Variants in WDR3 observed in about 807,000 individuals in gnomAD.
WDR3 encodes the protein WD repeat domain 3.
A neutral mutation model predicts 123.7 loss-of-function variants in WDR3; 81 were observed. That is an observed-to-expected ratio of 0.65 (90% CI 0.55 to 0.79). WDR3 has a LOEUF of 0.79. Ranked by LOEUF, WDR3 falls within the 30% of genes least tolerant of loss-of-function variation. WDR3 has a pLI of 0.00. For missense variants in WDR3, 1,027 were observed against 1,123.2 expected (o/e 0.91, Z 1.22); for synonymous variants, 390 against 388.8 (o/e 1.00, Z -0.04).
intron 13 of WDR3, among the ~76,000 whole-genome samples, chr1:117,948,926 T>C (rs563490168): frequency 6.6e-6 from 1 of 152,302 alleles, no homozygotes; most frequent in East Asian, 1.9e-4. Flanking sequence ...TCAGAGCAGT[T>C]CCTGGCAAAA....
At chr1:117,957,429 C>T (rs952360063) in intron 25 of WDR3, among the ~76,000 whole-genome samples, 14 of 152,322 alleles carry the variant, frequency 9.2e-5, no homozygotes, top group African/African-American at 2.9e-4. Context: ...TGATGACCCA[C>T]CTCTTTAAGT....
intron 10 of WDR3, among the ~76,000 whole-genome samples, chr1:117,942,835 T>C (rs187652560): frequency 1.0e-4 from 15 of 148,728 alleles, no homozygotes; most frequent in Non-Finnish European, 1.9e-4. Flanking sequence ...AGGTCACTTA[T>C]AAAGAATACA....
At chr1:117,955,294 G>C in intron 23 of WDR3, 21 bp from the exon 24 acceptor site, 1 of 1,607,594 alleles carries the variant, frequency 6.2e-7, no homozygotes, top group Non-Finnish European at 8.5e-7. Flanking sequence ...ATCACTAATG[G>C]TATTAATCCT....
At chr1:117,950,242 T>C in intron 15 of WDR3, 112 bp downstream of exon 15, 1 of 1,258,302 alleles carries the variant, frequency 7.9e-7, no homozygotes, top group Non-Finnish European at 1.1e-6. Flanking sequence ...AGTACATTTC[T>C]AAAAATGTGT....
At chr1:117,931,123 T>G (rs1005942965) in intron 1 of WDR3, among the ~76,000 whole-genome samples, 1 of 152,126 alleles carries the variant, frequency 6.6e-6, no homozygotes, top group African/African-American at 2.4e-5. Context: ...TTTGTAGAGA[T>G]AGGTTCTTGC....
intron 4 of WDR3, 98 bp downstream of exon 4, chr1:117,936,985 A>G (rs1281291246): frequency 4.2e-6 from 4 of 955,162 alleles, no homozygotes; most frequent in Non-Finnish European, 6.4e-6. Context: ...GCTCATGCTT[A>G]TGCATTAGTT....
chr1:117,953,130 A>G (rs891019232), intron 20 of WDR3, 134 bp downstream of exon 20: 5 of 1,079,614 alleles, frequency 4.6e-6, no homozygotes, highest in Non-Finnish European at 6.6e-6. Context: ...CTGATAAAGA[A>G]TCTGTGTAAT....
chr1:117,957,008 T>C lies in WDR3; in HGVS notation c.2454-60T>C, dbSNP rs74114932. On this transcript the variant is annotated intron_variant, in intron 24 of 26. Coordinates refer to ENST00000349139, the MANE Select transcript of WDR3 (RefSeq NM_006784.3). ...AATAATAAAGGGAAGGATTTAAAAA[T>C]TGACCATGTTAACAACGTTAACAAA... 5.3e-3 allele frequency: 7,453 copies of C among 1,410,208 alleles called. 272 individuals are homozygous for C. The African/African-American group carries it at 0.088, about 17-fold the overall frequency. 87.4% of individuals were successfully genotyped at this position (1,410,208 alleles called of 1,614,324 possible).
chr1:117,943,660 A>G (rs781553807), intron 11 of WDR3, 34 bp downstream of exon 11: 16 of 1,590,970 alleles, frequency 1.0e-5, no homozygotes, highest in Non-Finnish European at 1.1e-5. Flanking sequence ...AGCTGTAGTT[A>G]GTAGTATTTC....
intron 12 of WDR3, 78 bp downstream of exon 12, chr1:117,946,257 T>G (rs1017249416): frequency 8.2e-5 from 96 of 1,176,818 alleles, no homozygotes; most frequent in Middle Eastern, 6.1e-4. Context: ...GGTTCTTCTT[T>G]TTAGCATATT....
intron 12 of WDR3, among the ~76,000 whole-genome samples, chr1:117,946,897 T>C (rs1421413254): frequency 9.9e-5 from 13 of 130,970 alleles, no homozygotes; most frequent in African/African-American, 3.9e-4. Context: ...GCCGAGATAG[T>C]ACCACTGCAC....
chr1:117,955,300 A>G lies in WDR3; in HGVS notation c.2410-15A>G. ...ACCAAGAGTATCACTAATGGTATTA[A>G]TCCTTCCTTTATAGCCTTCAGCTTA... On this transcript the variant is annotated splice_polypyrimidine_tract_variant and intron_variant, in intron 23 of 26. Transcript: ENST00000349139. The G allele has an allele frequency of 1.2e-6, 2 of 1,610,166 alleles. No individual in the cohort carries two copies. Among genetic ancestry groups the G allele is most frequent in the Non-Finnish European group, 1.7e-6 (2 of 1,177,652 alleles).
In WDR3 at chr1:117,938,529, T is replaced by A. The variant is rs777126562; in HGVS notation, c.550T>A (p.Phe184Ile). 2.5e-6 allele frequency: 4 copies of A among 1,613,430 alleles called. No homozygotes were observed. The highest frequency in any genetic ancestry group is 3.4e-6 in the Non-Finnish European group (4 of 1,179,442). Residue 184 changes from phenylalanine to isoleucine, a missense_variant, in exon 5 of 27, where the codon TTT becomes ATT. Phe to Ile is a conservative substitution (Grantham distance 21). Transcript: ENST00000349139. ...GTGGGACCTTGATACTCAGCACTGC[T>A]TTAAAACAATGGTTGGCCACCGGAC... Reference protein sequence around the residue: ...KWWDLDTQHCFKTMVGHRTEV... With the variant: ...KWWDLDTQHCIKTMVGHRTEV...
rs1214919826 is a variant in WDR3, at chr1:117,950,776, TAATA to T, written c.1747-54_1747-51del. 5 of 1,363,658 alleles carry T rather than the reference TAATA, an allele frequency of 3.7e-6. 1 individual carries two copies. The highest frequency in any genetic ancestry group is 2.4e-5 in the South Asian group (2 of 81,894). The allele number at this position is 1,363,658 out of a possible 1,614,324, so 84.5% of individuals were successfully genotyped here. A position where few individuals can be genotyped will look rare whatever the true frequency, so the allele number is the denominator to read the frequency against. The stretch of plus-strand genomic sequence containing the variant: ...TAAAGTTATATTTTAGACCTACATG[TAATA>T]AATTATACCCATATTTTATAGACAG... On this transcript the variant is annotated intron_variant, in intron 15 of 26. Transcript: ENST00000349139.
At chr1:117,940,729 G>GACAACA (rs529621497) in intron 6 of WDR3, 98 bp from the exon 7 acceptor site, 14 of 1,114,142 alleles carry the variant, frequency 1.3e-5, no homozygotes, top group East Asian at 4.8e-5. Context: ...CTCTGTCTCC[G>GACAACA]ACAACAACAA....
At chr1:117,942,196 G>C (rs959714696) in intron 9 of WDR3, among the ~76,000 whole-genome samples, 1 of 152,176 alleles carries the variant, frequency 6.6e-6, no homozygotes, top group African/African-American at 2.4e-5. Flanking sequence ...ATGGGCTATT[G>C]CATTCAGAAT....
rs773091445 is a variant in WDR3, at chr1:117,939,494, G to C, written c.597G>C (p.Leu199=). ...TTCTATAGGTATGGGGGTTGGTTCT[G>C]TTGTCAGAAGAAAAGCGACTCATCA... ...GHRTEVWGLV[L]LSEEKRLITG... is the part of the protein sequence containing the mutation. The change falls in exon 6 of 27, where the codon CTG becomes CTC. Residue 199 remains leucine (L), a synonymous_variant. Coordinates refer to ENST00000349139, the MANE Select transcript of WDR3 (RefSeq NM_006784.3). 9 of 1,608,998 alleles carry C rather than the reference G, an allele frequency of 5.6e-6. No individual in the cohort carries two copies. The highest frequency in any genetic ancestry group is 7.6e-6 in the Non-Finnish European group (9 of 1,177,118).
At chr1:117,938,628 C>A in intron 5 of WDR3, 70 bp downstream of exon 5, 3 of 1,368,948 alleles carry the variant, frequency 2.2e-6, no homozygotes, top group Non-Finnish European at 2.0e-6. Context: ...GTCTTCTCTT[C>A]CCCTTTCATG....
chr1:117,932,713 G>A (rs997757930), intron 1 of WDR3, among the ~76,000 whole-genome samples: 12 of 152,140 alleles, frequency 7.9e-5, no homozygotes, highest in African/African-American at 2.9e-4. Context: ...TAGCTGCATT[G>A]AGCCTATAAT....
Sources: allele counts gnomAD v4.1 joint callset (sites outside exome capture counted in the v4.1 genomes callset), GRCh38; gene constraint gnomAD v4.1.1; transcripts MANE v1.5; gene names NCBI Gene and HGNC (gene_info 2026-07-23, HGNC 2026-07-21).